Variants in ATP13A3 observed in about 807,000 individuals in gnomAD.
ATP13A3 encodes ATPase 13A3.
ATP13A3 carries 59 observed loss-of-function variants against 158.1 expected under a neutral mutation model. That is an observed-to-expected ratio of 0.37 (90% CI 0.30 to 0.46). The LOEUF (loss-of-function observed/expected upper bound fraction) is 0.46. Among genes scored for constraint, ATP13A3 ranks in the 20% least tolerant of loss-of-function variants. The pLI, the probability that ATP13A3 is intolerant of heterozygous loss-of-function variation, is 1.00. For synonymous variants in ATP13A3, 491 were observed against 504.3 expected (o/e 0.97, Z 0.35); for missense variants, 1,166 against 1,525.2 (o/e 0.76, Z 3.92).
chr3:194,468,592 G>A (rs1013714153), intron 2 of ATP13A3, among the ~76,000 whole-genome samples: 1 of 152,110 alleles, frequency 6.6e-6, no homozygotes, highest in African/African-American at 2.4e-5. Flanking sequence ...GTTGTTTTCA[G>A]ACACAGAAAT....
intron 9 of ATP13A3, 70 bp from the exon 10 acceptor site, chr3:194,453,848 TA>T: frequency 2.6e-6 from 3 of 1,169,060 alleles, no homozygotes; most frequent in South Asian, 1.3e-5. Context: ...GCCAGAGTGC[TA>T]AAAAAATAAG....
chr3:194,480,174 C>G (rs1720693870), intron 2 of ATP13A3, among the ~76,000 whole-genome samples: 1 of 152,098 alleles, frequency 6.6e-6, no homozygotes, highest in Non-Finnish European at 1.5e-5. Flanking sequence ...TCTAAGGTAC[C>G]CTTTATCACC....
intron 24 of ATP13A3, 122 bp from the exon 25 acceptor site, chr3:194,430,437 A>G: frequency 9.1e-7 from 1 of 1,098,346 alleles, no homozygotes; most frequent in Non-Finnish European, 1.3e-6. Context: ...CCCCAGTGGA[A>G]CTATGAATCT....
At chr3:194,491,661 C>T (rs1223808306), upstream of ATP13A3, among the ~76,000 whole-genome samples, 1 of 74,516 alleles carries the variant, frequency 1.3e-5, no homozygotes, top group Non-Finnish European at 2.6e-5. Context: ...CTCCATCTCT[C>T]ACCTGGCATG....
intron 20 of ATP13A3, among the ~76,000 whole-genome samples, chr3:194,434,642 C>G (rs559312847): frequency 6.6e-6 from 1 of 152,276 alleles, no homozygotes; most frequent in African/African-American, 2.4e-5. Context: ...TCAGGTCAGG[C>G]ATTGTAGCTC....
At chr3:194,476,770 T>TTTTCG (rs1720544246) in intron 2 of ATP13A3, among the ~76,000 whole-genome samples, 1 of 146,782 alleles carries the variant, frequency 6.8e-6, no homozygotes, top group African/African-American at 2.8e-5. Flanking sequence ...GTTGTTGTTT[T>TTTTCG]TTTTTTTTTT....
chr3:194,472,270 C>CAA (rs113128513), intron 2 of ATP13A3, among the ~76,000 whole-genome samples: 7,838 of 144,412 alleles, frequency 0.054, 682 homozygotes, highest in African/African-American at 0.18. Flanking sequence ...GCACAGTAGC[C>CAA]AAAAAAAAAA....
intron 26 of ATP13A3, 57 bp from the exon 27 acceptor site, chr3:194,429,831 C>T: frequency 6.9e-7 from 1 of 1,459,600 alleles, no homozygotes; most frequent in Non-Finnish European, 9.6e-7. Flanking sequence ...ACTCCTTTTC[C>T]AAACCACAAT....
In ATP13A3 at chr3:194,417,943, AGACAGACG is replaced by A. The variant is rs373553760; in HGVS notation, c.3402+1928_3402+1935del. On this transcript the variant is annotated intron_variant, in intron 31 of 33. Transcript: ENST00000645319. ...ACCACTGCACTGCAGCGTGGGTGAC[AGACAGACG>A]GACGGACGGAAGGAAGGAAGGAAGG... 5.2e-3 allele frequency among the ~76,000 whole-genome samples: 587 copies of A among 112,588 alleles called. 4 individuals are homozygous for A. The highest frequency in any genetic ancestry group is 0.024 in the African/African-American group (538 of 22,460). 73.9% of individuals were successfully genotyped at this position (112,588 alleles called of 152,430 possible). A position where few individuals can be genotyped will look rare whatever the true frequency, so the allele number is the denominator to read the frequency against.
At chr3:194,444,288 T>C (rs1718244401) in intron 15 of ATP13A3, among the ~76,000 whole-genome samples, 1 of 152,158 alleles carries the variant, frequency 6.6e-6, no homozygotes, top group Non-Finnish European at 1.5e-5. Context: ...TGTCCCTTAG[T>C]AGAAGAACAG....
chr3:194,486,014 G>A (rs916420250), intron 1 of ATP13A3, among the ~76,000 whole-genome samples, 179 bp from the exon 2 acceptor site: 15 of 152,136 alleles, frequency 9.9e-5, no homozygotes, highest in African/African-American at 3.6e-4. Flanking sequence ...AGGGAATGGA[G>A]AGACAGAAAG....
chr3:194,431,146 T>C lies in ATP13A3; in HGVS notation c.2502A>G (p.Ser834=). 1 of 1,614,034 alleles carries C rather than the reference T, an allele frequency of 6.2e-7. No individual in the cohort carries two copies. Among genetic ancestry groups the C allele is most frequent in the Non-Finnish European group, 8.5e-7 (1 of 1,179,898 alleles). Residue 834 remains serine (S), a synonymous_variant, in exon 23 of 34, where the codon TCA becomes TCG. Coordinates refer to ENST00000645319, the MANE Select transcript of ATP13A3 (RefSeq NM_001367549.1). ...TRYHFAMNGK[S]FSVILEHFQD... ...GAAAATGCTCCAGTATCACTGAGAA[T>C]GATTTTCCATTCATTGCAAAATGAT...
rs533858380 is a variant in ATP13A3, at chr3:194,425,631, T to C, written c.3126-102A>G. Reference sequence around the variant, plus strand: ...TGCCCTGAATCACTATCATAACAAATAGAAATATGATATTTACAGCAAAAG... The same window carrying C: ...TGCCCTGAATCACTATCATAACAAACAGAAATATGATATTTACAGCAAAAG... On this transcript the variant is annotated intron_variant, in intron 29 of 33. Coordinates refer to ENST00000645319, the MANE Select transcript of ATP13A3 (RefSeq NM_001367549.1). 1.9e-5 allele frequency: 17 copies of C among 886,172 alleles called. No individual in the cohort carries two copies. In the South Asian group the frequency reaches 2.8e-4, roughly 15 times the overall value. The allele number at this position is 886,172 out of a possible 1,614,324, so 54.9% of individuals were successfully genotyped here.
chr3:194,476,147 G>C (rs540777769), intron 2 of ATP13A3, among the ~76,000 whole-genome samples: 2 of 152,180 alleles, frequency 1.3e-5, no homozygotes, highest in Non-Finnish European at 2.9e-5. Context: ...CTGAGCTGCA[G>C]TTCACATTAC....
intron 33 of ATP13A3, among the ~76,000 whole-genome samples, chr3:194,409,293 A>G (rs1342453727): frequency 1.3e-5 from 2 of 152,220 alleles, no homozygotes; most frequent in African/African-American, 4.8e-5. Context: ...ACCAATCCTG[A>G]ATATAAAACA....
In ATP13A3 at chr3:194,437,407, T is replaced by C. The variant is rs1371635842; in HGVS notation, c.1903A>G (p.Met635Val). ...CCCAGCACCCTGGCAACCACACTCA[T>C]ACGTTGCAAAGCAGAAGAAAATGGG... Reference protein sequence around the residue: ...QFPFSSALQRMSVVARVLGDR... With the variant: ...QFPFSSALQRVSVVARVLGDR... Residue 635 changes from methionine to valine, a missense_variant, in exon 19 of 34, where the codon ATG becomes GTG. Around this residue, in one of 3 missense-constraint regions of ATP13A3, gnomAD observed 997 missense variants for 1,341.2 expected, o/e 0.74. Transcript: ENST00000645319. 6.2e-7 allele frequency: 1 copy of C among 1,614,160 alleles called. No homozygotes were observed. Among genetic ancestry groups the C allele is most frequent in the African/African-American group, 1.3e-5 (1 of 75,034 alleles).
chr3:194,461,164 T>G (rs1391725829), intron 3 of ATP13A3, among the ~76,000 whole-genome samples: 2 of 152,220 alleles, frequency 1.3e-5, no homozygotes, highest in African/African-American at 4.8e-5. Flanking sequence ...TTAATTCTTC[T>G]TGAATTTATC....
chr3:194,432,777 C>T (rs1458315791), intron 21 of ATP13A3, among the ~76,000 whole-genome samples: 2 of 151,738 alleles, frequency 1.3e-5, no homozygotes, highest in Admixed American at 6.6e-5. Flanking sequence ...TTACTGAACA[C>T]GTAAGTGCCA....
chr3:194,407,266 T>C (rs112360224), intron 33 of ATP13A3, among the ~76,000 whole-genome samples: 3 of 152,170 alleles, frequency 2.0e-5, no homozygotes, highest in African/African-American at 7.2e-5. Flanking sequence ...AATCAACATA[T>C]AAACCAGGCT....
Sources: allele counts gnomAD v4.1 joint callset (sites outside exome capture counted in the v4.1 genomes callset), GRCh38; gene constraint gnomAD v4.1.1; regional missense constraint gnomAD v4.1.1; transcripts MANE v1.5; gene names NCBI Gene and HGNC (gene_info 2026-07-23, HGNC 2026-07-21).